Variants in CTNNA3 observed in about 807,000 individuals in gnomAD.
CTNNA3 encodes the protein catenin alpha 3.
In CTNNA3, 76 loss-of-function variants were observed where a neutral mutation model predicts 95.7. That is an observed-to-expected ratio of 0.79 (90% CI 0.66 to 0.96). The LOEUF (loss-of-function observed/expected upper bound fraction) is 0.96. Ranked by LOEUF, CTNNA3 falls within the 40% of genes least tolerant of loss-of-function variation. The pLI is 0.00. For synonymous variants in CTNNA3, 431 were observed against 374.4 expected (o/e 1.15, Z -1.74); for missense variants, 1,191 against 1,089.8 (o/e 1.09, Z -1.31).
At position 67,630,393 on chromosome 10, in the gene CTNNA3, T is replaced by A. The variant is rs529926688; in HGVS notation, c.99+17022A>T. 8.9e-4 allele frequency among the ~76,000 whole-genome samples: 136 copies of A among 152,306 alleles called. 1 individual carries two copies. The East Asian group carries it at 0.019, about 21-fold the overall frequency. ...TCATGTTCCATTTCCCCAGTTGCAA[T>A]GACAGTGGAAGCACATGTTGAGATA... On this transcript the variant is annotated intron_variant, in intron 2 of 17. Coordinates refer to ENST00000433211, the MANE Select transcript of CTNNA3 (RefSeq NM_013266.4).
chr10:66,909,309 G>T (rs888987481), intron 7 of CTNNA3, among the ~76,000 whole-genome samples: 3 of 152,024 alleles, frequency 2.0e-5, no homozygotes, highest in African/African-American at 7.2e-5. Flanking sequence ...GAGGCTGGGA[G>T]TTCGAGACCA....
chr10:67,535,193 G>T (rs1840452635), intron 4 of CTNNA3, among the ~76,000 whole-genome samples: 1 of 152,056 alleles, frequency 6.6e-6, no homozygotes. Flanking sequence ...AAAGAAGCAT[G>T]GTTTATACAG....
At chr10:67,726,372 T>C (rs1385551476) in intron 1 of CTNNA3, among the ~76,000 whole-genome samples, 2 of 66,322 alleles carry the variant, frequency 3.0e-5, no homozygotes, top group Non-Finnish European at 4.8e-5. Flanking sequence ...TAATATATGA[T>C]ATTATATATG....
At chr10:66,167,798 AC>A (rs999752931) in intron 13 of CTNNA3, among the ~76,000 whole-genome samples, 62 of 152,282 alleles carry the variant, frequency 4.1e-4, no homozygotes, top group African/African-American at 1.4e-3. Flanking sequence ...AACTTCCTAG[AC>A]TGCTGTGCAG....
chr10:67,211,397 G>C (rs1864133803), intron 6 of CTNNA3, among the ~76,000 whole-genome samples: 1 of 152,056 alleles, frequency 6.6e-6, no homozygotes, highest in Non-Finnish European at 1.5e-5. Context: ...AGAGTCCCAA[G>C]AAGCCAAGAG....
At chr10:67,252,782 A>AAC (rs1866162146) in intron 5 of CTNNA3, among the ~76,000 whole-genome samples, 1 of 152,114 alleles carries the variant, frequency 6.6e-6, no homozygotes, top group Non-Finnish European at 1.5e-5. Flanking sequence ...TTCTCAAATA[A>AAC]ACTCAATGTT....
At chr10:66,367,686 C>T (rs2092719792) in intron 12 of CTNNA3, among the ~76,000 whole-genome samples, 2 of 148,700 alleles carry the variant, frequency 1.3e-5, no homozygotes, top group South Asian at 2.1e-4. Context: ...CAGTGGAAGC[C>T]GAATTTTAAA....
intron 13 of CTNNA3, among the ~76,000 whole-genome samples, chr10:66,215,678 G>T (rs907530023): frequency 2.0e-5 from 3 of 152,094 alleles, no homozygotes; most frequent in African/African-American, 7.2e-5. Flanking sequence ...AAACTATAAG[G>T]TTTAAGATAA....
At chr10:67,056,209 A>G (rs756479162) in intron 7 of CTNNA3, among the ~76,000 whole-genome samples, 8 of 152,176 alleles carry the variant, frequency 5.3e-5, no homozygotes, top group Non-Finnish European at 1.2e-4. Flanking sequence ...TTAATAAAAT[A>G]TGGTTGGTAT....
intron 5 of CTNNA3, among the ~76,000 whole-genome samples, chr10:67,396,756 G>A (rs1205968436): frequency 1.3e-5 from 2 of 151,648 alleles, no homozygotes; most frequent in African/African-American, 4.8e-5. Flanking sequence ...TAATCCCCAT[G>A]TGTCATGGGA....
chr10:66,429,853 T>A (rs1435809609), intron 11 of CTNNA3, among the ~76,000 whole-genome samples: 1 of 152,110 alleles, frequency 6.6e-6, no homozygotes. Context: ...AAGACAGGGA[T>A]GCCCTCTCCC....
intron 3 of CTNNA3, among the ~76,000 whole-genome samples, chr10:67,555,008 G>A (rs965601815): frequency 1.3e-5 from 2 of 152,114 alleles, no homozygotes; most frequent in Non-Finnish European, 2.9e-5. Flanking sequence ...TTATTGAATA[G>A]GGAATCCTTT....
intron 13 of CTNNA3, among the ~76,000 whole-genome samples, chr10:66,137,459 C>A (rs2083412363): frequency 1.3e-5 from 2 of 152,126 alleles, no homozygotes; most frequent in Admixed American, 1.3e-4. Context: ...AAACCCAATG[C>A]ATGAATCTCA....
At chr10:67,303,418 T>C (rs1311643662) in intron 5 of CTNNA3, among the ~76,000 whole-genome samples, 1 of 152,202 alleles carries the variant, frequency 6.6e-6, no homozygotes, top group East Asian at 1.9e-4. Flanking sequence ...CCAGATAATT[T>C]TGTACATTAC....
intron 9 of CTNNA3, among the ~76,000 whole-genome samples, chr10:66,713,243 C>A (rs2132612357): frequency 6.6e-6 from 1 of 152,256 alleles, no homozygotes; most frequent in South Asian, 2.1e-4. Flanking sequence ...CTTCCTCTGG[C>A]AATATTCAAT....
At chr10:66,335,674 G>T (rs943479482) in intron 12 of CTNNA3, among the ~76,000 whole-genome samples, 1 of 152,114 alleles carries the variant, frequency 6.6e-6, no homozygotes, top group Non-Finnish European at 1.5e-5. Context: ...CTACTCGGGG[G>T]TCAGGGACCC....
rs568981957 is a variant in CTNNA3 at position 66,284,359 on chromosome 10, T to C, written c.1733-3738A>G. Among the ~76,000 whole-genome samples, 115 of 152,010 alleles carry C rather than the reference T, an allele frequency of 7.6e-4. 1 individual carries two copies. Among genetic ancestry groups the C allele is most frequent in the Non-Finnish European group, 1.2e-3 (81 of 67,876 alleles). On this transcript the variant is annotated intron_variant, in intron 12 of 17. Coordinates refer to ENST00000433211, the MANE Select transcript of CTNNA3 (RefSeq NM_013266.4). Reference sequence around the variant, plus strand: ...TACCTATGAGGAAACTGAGGTCACATAGTTAATAAGAGATTGGCTGGTAAT... The same window carrying C: ...TACCTATGAGGAAACTGAGGTCACACAGTTAATAAGAGATTGGCTGGTAAT...
chr10:66,980,236 T>C (rs1396540185), intron 7 of CTNNA3, among the ~76,000 whole-genome samples: 1 of 152,136 alleles, frequency 6.6e-6, no homozygotes, highest in Non-Finnish European at 1.5e-5. Context: ...TGAAGTCAAT[T>C]ACTAATTTAG....
chr10:66,400,480 A>C (rs2093011832), intron 11 of CTNNA3, among the ~76,000 whole-genome samples: 2 of 152,120 alleles, frequency 1.3e-5, no homozygotes, highest in Non-Finnish European at 2.9e-5. Flanking sequence ...TAAGCACTTC[A>C]AGCTGTCGAT....
Sources: gnomAD v4.1 joint callset for allele counts (sites outside exome capture counted in the v4.1 genomes callset) on GRCh38, gnomAD v4.1.1 for gene constraint, MANE v1.5 for transcripts, NCBI Gene and HGNC (gene_info 2026-07-23, HGNC 2026-07-21) for gene names.